MED14: variants seen among roughly 807,000 people sequenced by gnomAD.
MED14 encodes the protein mediator complex subunit 14, also known as mediator of RNA polymerase II transcription subunit 14.
MED14 carries 8 observed loss-of-function variants against 109.0 expected under a neutral mutation model. That is an observed-to-expected ratio of 0.07 (90% CI 0.04 to 0.13). The LOEUF (loss-of-function observed/expected upper bound fraction) is 0.13. MED14 is among the 10% of genes least tolerant of loss of function. The pLI, the probability that MED14 is intolerant of heterozygous loss-of-function variation, is 1.00. For synonymous variants in MED14, 399 were observed against 408.7 expected (o/e 0.98, Z 0.29); for missense variants, 711 against 1,142.4 (o/e 0.62, Z 5.44).
Position 40,692,988 on chromosome X carries a change from T to G in MED14, c.1651-86A>C, listed in dbSNP as rs1930585937. 2.2e-5 allele frequency: 15 copies of G among 671,327 alleles called. No homozygotes were observed. The South Asian group carries it at 7.2e-4, about 32-fold the overall frequency. The allele number at this position is 671,327 out of a possible 1,213,427, so 55.3% of individuals were successfully genotyped here. A position where few individuals can be genotyped will look rare whatever the true frequency, so the allele number is the denominator to read the frequency against. On this transcript the variant is annotated intron_variant, in intron 13 of 30. Transcript: ENST00000324817. Reference sequence around the variant, plus strand: ...GTACATCATCAAGTAAGGCTCAGAATTATAAATCTAATGTAGATGTCTTAA... The same window carrying G: ...GTACATCATCAAGTAAGGCTCAGAAGTATAAATCTAATGTAGATGTCTTAA...
Position 40,650,349 on chromosome X carries a change from G to GAT in MED14, c.*1455_*1456dup. 2 of 752,550 alleles carry GAT rather than the reference G, an allele frequency of 2.7e-6. No individual in the cohort carries two copies. The highest frequency in any genetic ancestry group is 3.1e-6 in the Non-Finnish European group (2 of 637,755). The allele number at this position is 752,550 out of a possible 1,213,427, so 62.0% of individuals were successfully genotyped here. On this transcript the variant is annotated 3_prime_UTR_variant, in exon 31 of 31. Coordinates refer to ENST00000324817, the MANE Select transcript of MED14 (RefSeq NM_004229.4). Reference sequence around the variant, plus strand: ...ATCAAACAAAGTTGAGAACAGATATGATATAGGTACAGTGAGATACTTGAA... The same window carrying GAT: ...ATCAAACAAAGTTGAGAACAGATATGATATATAGGTACAGTGAGATACTTGAA...
At chrX:40,691,813 T>C (rs985678803) in intron 15 of MED14, among the ~76,000 whole-genome samples, 2 of 108,454 alleles carry the variant, frequency 1.8e-5, no homozygotes, top group Non-Finnish European at 3.8e-5. Context: ...AGTTTTACCA[T>C]GTTGGCCAGG....
intron 15 of MED14, among the ~76,000 whole-genome samples, chrX:40,688,888 G>C (rs1335179736): frequency 3.6e-5 from 4 of 112,080 alleles, no homozygotes; most frequent in African/African-American, 1.3e-4. Context: ...TCTTCTGTTT[G>C]TTCAAAACAA....
intron 12 of MED14, among the ~76,000 whole-genome samples, chrX:40,698,919 C>T (rs1307304969): frequency 1.8e-5 from 2 of 111,974 alleles, no homozygotes; most frequent in African/African-American, 6.5e-5. Context: ...TGGTTCTACT[C>T]CAAGAGAAAA....
chrX:40,712,314 G>T, intron 6 of MED14, 21 bp from the exon 7 acceptor site: 1 of 1,114,633 alleles, frequency 9.0e-7, no homozygotes, highest in East Asian at 3.0e-5. Flanking sequence ...CAGAAGAAAA[G>T]AAAGCAGTTA....
intron 28 of MED14, among the ~76,000 whole-genome samples, chrX:40,656,309 C>T (rs918528478): frequency 8.1e-5 from 9 of 111,452 alleles, no homozygotes; most frequent in Non-Finnish European, 1.1e-4. Context: ...ATGAAAAACG[C>T]GGAAAAAATA....
intron 23 of MED14, among the ~76,000 whole-genome samples, chrX:40,670,774 A>AT (rs1372226291): frequency 3.6e-5 from 4 of 110,896 alleles, no homozygotes; most frequent in African/African-American, 1.3e-4. Context: ...TCTCAAAAAA[A>AT]AAAAAAAATA....
chrX:40,673,551 C>T (rs1929801339), intron 22 of MED14, among the ~76,000 whole-genome samples: 1 of 111,834 alleles, frequency 8.9e-6, no homozygotes. Context: ...TAAACTAGCG[C>T]TGCAGGCTCT....
chrX:40,650,472 C>T lies in MED14; in HGVS notation c.*1334G>A. The T allele has an allele frequency of 1.3e-6, 1 of 754,217 alleles. No homozygotes were observed. The highest frequency in any genetic ancestry group is 1.6e-6 in the Non-Finnish European group (1 of 639,167). 62.2% of individuals were successfully genotyped at this position (754,217 alleles called of 1,213,427 possible). ...ACATTTTAATGGAGAACCAGTATTACAGTGACCAGGTAACTCGGCATGGTA... is the reference window on the plus strand; with the variant it reads ...ACATTTTAATGGAGAACCAGTATTATAGTGACCAGGTAACTCGGCATGGTA... On this transcript the variant is annotated 3_prime_UTR_variant, in exon 31 of 31. Coordinates refer to ENST00000324817, the MANE Select transcript of MED14 (RefSeq NM_004229.4).
Position 40,651,852 on chromosome X carries a change from C to T in MED14, c.4319G>A (p.Arg1440His). 8.3e-7 allele frequency: 1 copy of T among 1,198,173 alleles called. No homozygotes were observed. Among genetic ancestry groups the T allele is most frequent in the Admixed American group, 2.3e-5 (1 of 44,216 alleles). ...QGECTIFAAV[R>H]DLMANLTLPP... Reference sequence around the variant, plus strand: ...CAGTGTAAGATTAGCCATTAAATCACGAACAGCTGCAAATATTGTGCATTC... The same window carrying T: ...CAGTGTAAGATTAGCCATTAAATCATGAACAGCTGCAAATATTGTGCATTC... The change falls in exon 31 of 31, where the codon CGT (arginine) becomes CAT (histidine). Residue 1440 changes from arginine (R) to histidine (H), a missense_variant. Physicochemically the swap from Arg to His is conservative, Grantham distance 29. Transcript: ENST00000324817.
chrX:40,664,638 T>C, intron 24 of MED14, 149 bp from the exon 25 acceptor site: 1 of 354,898 alleles, frequency 2.8e-6, no homozygotes, highest in South Asian at 1.1e-4. Flanking sequence ...TAACATGTCA[T>C]GCCTGAATCT....
chrX:40,724,382 A>T (rs888510302), intron 3 of MED14, among the ~76,000 whole-genome samples: 1 of 112,350 alleles, frequency 8.9e-6, no homozygotes, highest in Non-Finnish European at 1.9e-5. Context: ...TGCAGGATAC[A>T]CATTCTTCTC....
intron 12 of MED14, among the ~76,000 whole-genome samples, chrX:40,700,310 C>G (rs1418637593): frequency 1.1e-5 from 1 of 89,866 alleles, no homozygotes; most frequent in Non-Finnish European, 2.1e-5. Context: ...GAGCTGAGAT[C>G]ACGCTATTGT....
intron 23 of MED14, among the ~76,000 whole-genome samples, chrX:40,668,553 G>A (rs767732562): frequency 4.0e-4 from 45 of 111,263 alleles, no homozygotes; most frequent in Non-Finnish European, 6.4e-4. Context: ...CCAAAACTAT[G>A]AATAAATGCA....
rs192729825 is a variant in MED14, at chrX:40,706,887, T to C, written c.1285+2461A>G. 3.6e-5 allele frequency among the ~76,000 whole-genome samples: 4 copies of C among 112,138 alleles called. No individual in the cohort carries two copies. The Admixed American group carries it at 3.8e-4, about 11-fold the overall frequency. On this transcript the variant is annotated intron_variant, in intron 10 of 30. Transcript: ENST00000324817. ...CAGAGCCTATCAAAAGATTACAAACTCCCTATTTTCTGGAATCTCAACAAA... is the reference window on the plus strand; with the variant it reads ...CAGAGCCTATCAAAAGATTACAAACCCCCTATTTTCTGGAATCTCAACAAA...
intron 22 of MED14, among the ~76,000 whole-genome samples, chrX:40,674,501 T>C (rs952115681): frequency 7.1e-5 from 8 of 112,241 alleles, no homozygotes; most frequent in Non-Finnish European, 1.3e-4. Flanking sequence ...CAGTGAGCTA[T>C]TTCGTAAACC....
At chrX:40,693,871 T>C (rs1930627788) in intron 13 of MED14, among the ~76,000 whole-genome samples, 1 of 111,261 alleles carries the variant, frequency 9.0e-6, no homozygotes, top group East Asian at 2.8e-4. Context: ...TGCTAACATA[T>C]TTAATCTTCC....
rs1225211819 is a variant in MED14 at position 40,666,769 on chromosome X, G to T, written c.3216C>A (p.Ser1072=). Residue 1072 remains serine (S), a synonymous_variant, in exon 24 of 31, where the codon TCC becomes TCA. Coordinates refer to ENST00000324817, the MANE Select transcript of MED14 (RefSeq NM_004229.4). ...PASFVPTPPP[S]SHGISIGPGA... ...CTGGTCCTATTGAGATTCCATGCGAGGATGGGGGAGGAGTTGGAACAAATG... is the reference window on the plus strand; with the variant it reads ...CTGGTCCTATTGAGATTCCATGCGATGATGGGGGAGGAGTTGGAACAAATG... 8.3e-7 allele frequency: 1 copy of T among 1,202,314 alleles called. No individual in the cohort carries two copies. Among genetic ancestry groups the T allele is most frequent in the Non-Finnish European group, 1.1e-6 (1 of 890,778 alleles).
chrX:40,735,832 G>A (rs750101217), upstream of MED14: 2 of 319,525 alleles, frequency 6.3e-6, no homozygotes, highest in Non-Finnish European at 1.2e-5. Flanking sequence ...CGCAGCGCTG[G>A]GGGGCGCGTG....
Sources: gnomAD v4.1 joint callset for allele counts (sites outside exome capture counted in the v4.1 genomes callset) on GRCh38, gnomAD v4.1.1 for gene constraint, MANE v1.5 for transcripts, NCBI Gene and HGNC (gene_info 2026-07-23, HGNC 2026-07-21) for gene names.